Variants in DMRT1 observed in about 807,000 individuals in gnomAD.
The protein encoded by DMRT1 is doublesex- and mab-3-related transcription factor 1.
A neutral mutation model predicts 32.3 loss-of-function variants in DMRT1; 7 were observed. The ratio of observed to expected loss-of-function variants is 0.22; its 90% confidence interval spans 0.12 to 0.41. The LOEUF (loss-of-function observed/expected upper bound fraction) is 0.41, where lower values mean the gene tolerates loss of function less well. Among genes scored for constraint, DMRT1 ranks in the 10% least tolerant of loss-of-function variants. The pLI, the probability that DMRT1 is intolerant of heterozygous loss-of-function variation, is 1.00. For synonymous variants in DMRT1, 278 were observed against 206.1 expected (o/e 1.35, Z -2.99); for missense variants, 625 against 500.5 (o/e 1.25, Z -2.37).
At chr9:862,097 G>A (rs1484006600) in intron 2 of DMRT1, among the ~76,000 whole-genome samples, 2 of 129,140 alleles carry the variant, frequency 1.5e-5, no homozygotes, top group Non-Finnish European at 3.7e-5. Flanking sequence ...TCCTAGACGG[G>A]GTGGCGGCTG....
chr9:962,908 G>A (rs142898500), intron 4 of DMRT1, among the ~76,000 whole-genome samples: 2 of 152,224 alleles, frequency 1.3e-5, no homozygotes, highest in East Asian at 1.9e-4. Flanking sequence ...TCCCGGGCCA[G>A]TGCTCCCCCA....
At chr9:877,514 A>G (rs556174961) in intron 2 of DMRT1, among the ~76,000 whole-genome samples, 1 of 152,340 alleles carries the variant, frequency 6.6e-6, no homozygotes, top group East Asian at 1.9e-4. Context: ...TTTTTGATGT[A>G]GCACTAGATG....
intron 4 of DMRT1, among the ~76,000 whole-genome samples, chr9:942,898 G>A (rs142116022): frequency 6.6e-6 from 1 of 151,512 alleles, no homozygotes; most frequent in African/African-American, 2.4e-5. Flanking sequence ...GCCATCTGTC[G>A]CAAAGAATTA....
At position 933,233 on chromosome 9, in the gene DMRT1, T is replaced by C. The variant is rs147135025; in HGVS notation, c.967+16326T>C. ...CGCCCCGGTGAGAGCTCCAAGCTTT[T>C]AATCAAGGCTTAGGGTCTTTCGGGC... On this transcript the variant is annotated intron_variant, in intron 4 of 4. Coordinates refer to ENST00000382276, the MANE Select transcript of DMRT1 (RefSeq NM_021951.3). Among the ~76,000 whole-genome samples the C allele has an allele frequency of 3.9e-3, 594 of 152,280 alleles. 3 individuals are homozygous for C. The highest frequency in any genetic ancestry group is 0.014 in the African/African-American group (568 of 41,562).
chr9:942,558 C>T (rs1819111134), intron 4 of DMRT1, among the ~76,000 whole-genome samples: 1 of 152,134 alleles, frequency 6.6e-6, no homozygotes, highest in African/African-American at 2.4e-5. Context: ...CAGGTGTGAG[C>T]CACTGTGCCT....
chr9:909,422 T>G (rs1157494247), intron 3 of DMRT1, among the ~76,000 whole-genome samples: 6 of 152,146 alleles, frequency 3.9e-5, no homozygotes, highest in Non-Finnish European at 5.9e-5. Flanking sequence ...GTAGGTGAAG[T>G]CTGTAGGCTC....
chr9:851,404 A>G (rs1461821021), intron 2 of DMRT1, among the ~76,000 whole-genome samples: 1 of 149,638 alleles, frequency 6.7e-6, no homozygotes, highest in Non-Finnish European at 1.5e-5. Context: ...ATGCCCAGCT[A>G]ATTTTTGTAC....
intron 2 of DMRT1, among the ~76,000 whole-genome samples, chr9:864,086 A>G (rs1208019495): frequency 2.6e-5 from 4 of 152,324 alleles, no homozygotes; most frequent in Admixed American, 6.5e-5. Flanking sequence ...GCAGAGGAGC[A>G]GAGAAGCCTG....
chr9:948,280 CTCA>C (rs1243190647), intron 4 of DMRT1, among the ~76,000 whole-genome samples: 1 of 151,984 alleles, frequency 6.6e-6, no homozygotes, highest in Admixed American at 6.5e-5. Context: ...AACAGTTTTT[CTCA>C]TCGTTATCTT....
chr9:855,711 C>T (rs184642188), intron 2 of DMRT1, among the ~76,000 whole-genome samples: 5 of 152,360 alleles, frequency 3.3e-5, no homozygotes, highest in African/African-American at 1.2e-4. Context: ...CCTTGACCTC[C>T]TGGGCTCAGC....
intron 2 of DMRT1, among the ~76,000 whole-genome samples, chr9:854,011 A>G (rs1377983898): frequency 6.6e-6 from 1 of 151,626 alleles, no homozygotes; most frequent in African/African-American, 2.4e-5. Context: ...TTTGTTGCCC[A>G]CGCTGGTCTT....
At chr9:874,901 G>A (rs756343198) in intron 2 of DMRT1, among the ~76,000 whole-genome samples, 5 of 146,780 alleles carry the variant, frequency 3.4e-5, no homozygotes, top group South Asian at 2.2e-4. Context: ...TCCACCTCCC[G>A]GGTTCATGCC....
At chr9:935,754 A>G (rs1412385752) in intron 4 of DMRT1, among the ~76,000 whole-genome samples, 1 of 152,254 alleles carries the variant, frequency 6.6e-6, no homozygotes, top group Non-Finnish European at 1.5e-5. Flanking sequence ...TGAGTAAATC[A>G]GAACTGTTTA....
chr9:850,935 A>T (rs551108665), intron 2 of DMRT1, among the ~76,000 whole-genome samples: 6 of 149,434 alleles, frequency 4.0e-5, no homozygotes, highest in African/African-American at 1.5e-4. Context: ...AGGCTGAGGC[A>T]GGGGAATCTC....
chr9:894,327 TACACAC>T (rs930417850), intron 3 of DMRT1, 132 bp downstream of exon 3: 1 of 935,514 alleles, frequency 1.1e-6, no homozygotes, highest in Non-Finnish European at 1.7e-6. Flanking sequence ...CACACACAGG[TACACAC>T]ACATATGTGT....
At chr9:879,685 T>A (rs1816652401) in intron 2 of DMRT1, among the ~76,000 whole-genome samples, 1 of 152,252 alleles carries the variant, frequency 6.6e-6, no homozygotes, top group Non-Finnish European at 1.5e-5. Context: ...CATTTTGTAC[T>A]CTGTTTCATT....
chr9:967,271 C>T (rs762170113), intron 4 of DMRT1, among the ~76,000 whole-genome samples: 2 of 152,216 alleles, frequency 1.3e-5, no homozygotes, highest in African/African-American at 4.8e-5. Flanking sequence ...AGTTGCTTAA[C>T]ACATTATTAC....
At chr9:903,750 G>A (rs1306939420) in intron 3 of DMRT1, among the ~76,000 whole-genome samples, 1 of 152,144 alleles carries the variant, frequency 6.6e-6, no homozygotes, top group Admixed American at 6.5e-5. Flanking sequence ...ACTAGAATTG[G>A]CCTCTGGATA....
At chr9:861,908 G>T (rs1240258723) in intron 2 of DMRT1, among the ~76,000 whole-genome samples, 2 of 150,388 alleles carry the variant, frequency 1.3e-5, no homozygotes, top group Non-Finnish European at 1.5e-5. Context: ...CAGATGGGGC[G>T]GCGGGGCAGA....
Sources: allele counts gnomAD v4.1 joint callset (sites outside exome capture counted in the v4.1 genomes callset), GRCh38; gene constraint gnomAD v4.1.1; transcripts MANE v1.5; gene names NCBI Gene and HGNC (gene_info 2026-07-23, HGNC 2026-07-21).